The following STEAP1B variants were observed in gnomAD, a reference collection of about 807,000 sequenced individuals.
STEAP1B encodes STEAP family protein MGC87042.
In STEAP1B, 13 loss-of-function variants were observed where a neutral mutation model predicts 27.9. The ratio of observed to expected loss-of-function variants is 0.47; its 90% CI spans 0.30 to 0.74. STEAP1B has a LOEUF of 0.74. STEAP1B is among the 30% of genes least tolerant of loss of function. The probability of loss-of-function intolerance (pLI) is 0.06; values close to 1 mark genes in which losing one functional copy is unlikely to be tolerated. For missense variants in STEAP1B, 250 were observed against 298.7 expected (o/e 0.84, Z 1.20); for synonymous variants, 86 against 107.1 (o/e 0.80, Z 1.22).
chr7:22,487,770 A>G (rs938058284), intron 4 of STEAP1B, among the ~76,000 whole-genome samples: 9 of 145,432 alleles, frequency 6.2e-5, no homozygotes, highest in African/African-American at 2.3e-4. Context: ...GCACCATTGC[A>G]CTCCAGCCTA....
chr7:22,468,732 C>A (rs1211046076), intron 4 of STEAP1B, among the ~76,000 whole-genome samples: 2 of 152,266 alleles, frequency 1.3e-5, no homozygotes, highest in East Asian at 1.9e-4. Flanking sequence ...GTTCAGACAA[C>A]AATGGACTGC....
At chr7:22,453,743 C>T (rs75723524) in intron 4 of STEAP1B, among the ~76,000 whole-genome samples, 220 of 152,332 alleles carry the variant, frequency 1.4e-3, no homozygotes, top group African/African-American at 5.0e-3. Flanking sequence ...ACTATTCTGA[C>T]GTCCATTGAC....
At chr7:22,473,771 A>G (rs1785926503) in intron 4 of STEAP1B, among the ~76,000 whole-genome samples, 1 of 152,158 alleles carries the variant, frequency 6.6e-6, no homozygotes, top group South Asian at 2.1e-4. Context: ...ACTCCAGGCT[A>G]GAGGTTCCAC....
chr7:22,428,266 C>T (rs966401200), intron 4 of STEAP1B, among the ~76,000 whole-genome samples: 7 of 152,146 alleles, frequency 4.6e-5, no homozygotes, highest in Non-Finnish European at 1.0e-4. Flanking sequence ...TTATCAATTA[C>T]GAGTGTTATG....
intron 4 of STEAP1B, among the ~76,000 whole-genome samples, chr7:22,458,112 A>C (rs1785617712): frequency 6.6e-6 from 1 of 152,246 alleles, no homozygotes; most frequent in Non-Finnish European, 1.5e-5. Flanking sequence ...AGAAAAAATT[A>C]CATCATTTTG....
intron 4 of STEAP1B, among the ~76,000 whole-genome samples, chr7:22,484,427 C>A (rs1162517436): frequency 1.3e-5 from 2 of 152,312 alleles, no homozygotes; most frequent in Admixed American, 6.5e-5. Context: ...CATCTGTTTA[C>A]AGCATGATTT....
chr7:22,473,916 T>C (rs1383002528), intron 4 of STEAP1B, among the ~76,000 whole-genome samples: 1 of 152,180 alleles, frequency 6.6e-6, no homozygotes, highest in Non-Finnish European at 1.5e-5. Flanking sequence ...TGGGACTGAC[T>C]AGTGCCCATC....
intron 4 of STEAP1B, among the ~76,000 whole-genome samples, chr7:22,483,563 CAT>C (rs1273253093): frequency 1.3e-5 from 2 of 152,198 alleles, no homozygotes; most frequent in African/African-American, 2.4e-5. Context: ...TTCTCAACAA[CAT>C]GTGCTCACTT....
At chr7:22,432,234 G>A (rs1785196477) in intron 4 of STEAP1B, among the ~76,000 whole-genome samples, 1 of 152,020 alleles carries the variant, frequency 6.6e-6, no homozygotes, top group South Asian at 2.1e-4. Context: ...CAAGCCTCTA[G>A]AACTGTGAGA....
intron 4 of STEAP1B, among the ~76,000 whole-genome samples, chr7:22,425,942 C>T (rs1165691684): frequency 6.6e-6 from 1 of 152,234 alleles, no homozygotes; most frequent in African/African-American, 2.4e-5. Context: ...ACAAAAGTTT[C>T]CTTGGAACCC....
At chr7:22,476,011 C>T (rs1785965300) in intron 4 of STEAP1B, among the ~76,000 whole-genome samples, 1 of 152,132 alleles carries the variant, frequency 6.6e-6, no homozygotes, top group African/African-American at 2.4e-5. Context: ...AACTATTTGG[C>T]CTCTTGAACC....
At chr7:22,499,688 C>T (rs982773511) in intron 1 of STEAP1B, among the ~76,000 whole-genome samples, 9 of 152,166 alleles carry the variant, frequency 5.9e-5, no homozygotes, top group African/African-American at 2.2e-4. Flanking sequence ...ACCTCTGTTA[C>T]CAGGAAACCC....
intron 4 of STEAP1B, among the ~76,000 whole-genome samples, chr7:22,461,027 T>G (rs1785669857): frequency 6.6e-6 from 1 of 152,138 alleles, no homozygotes; most frequent in Non-Finnish European, 1.5e-5. Context: ...GGCCCAACAT[T>G]TGAAAAACTG....
chr7:22,436,289 G>A, intron 4 of STEAP1B, among the ~76,000 whole-genome samples: 1 of 152,124 alleles, frequency 6.6e-6, no homozygotes, highest in Admixed American at 6.5e-5. Flanking sequence ...TTGGAGATAA[G>A]TATACATCCA....
At chr7:22,473,380 G>C (rs937465677) in intron 4 of STEAP1B, among the ~76,000 whole-genome samples, 1 of 152,174 alleles carries the variant, frequency 6.6e-6, no homozygotes, top group African/African-American at 2.4e-5. Context: ...ACTCAGGTGG[G>C]TTATGCCAAA....
At chr7:22,453,997 T>C (rs1785531319) in intron 4 of STEAP1B, among the ~76,000 whole-genome samples, 1 of 152,246 alleles carries the variant, frequency 6.6e-6, no homozygotes, top group Non-Finnish European at 1.5e-5. Context: ...AAAGATTCTA[T>C]GAACATTCTT....
chr7:22,469,747 C>A (rs935119304), intron 4 of STEAP1B, among the ~76,000 whole-genome samples: 14 of 152,174 alleles, frequency 9.2e-5, no homozygotes, highest in African/African-American at 3.4e-4. Flanking sequence ...TAAGTACACT[C>A]TACAATGTTT....
chr7:22,456,972 A>ATATTTTTTTTTTTTTTTTT, intron 4 of STEAP1B, among the ~76,000 whole-genome samples: 5 of 57,082 alleles, frequency 8.8e-5, no homozygotes, highest in South Asian at 1.0e-3. Flanking sequence ...ATATATATAT[A>ATATTTTTTTTTTTTTTTTT]TTTTTTTTTT....
intron 4 of STEAP1B, among the ~76,000 whole-genome samples, chr7:22,457,353 T>C (rs186622732): frequency 9.2e-5 from 14 of 152,314 alleles, no homozygotes; most frequent in African/African-American, 3.4e-4. Flanking sequence ...GCCAACTGTA[T>C]TCCTTTTTCG....
Sources: gnomAD v4.1 joint callset for allele counts (sites outside exome capture counted in the v4.1 genomes callset) on GRCh38, gnomAD v4.1.1 for gene constraint, MANE v1.5 for transcripts, NCBI Gene and HGNC (gene_info 2026-07-23, HGNC 2026-07-21) for gene names.